Variants in ZFAT observed in about 807,000 individuals in gnomAD.
ZFAT encodes the protein zinc finger protein ZFAT.
Under a neutral mutation model 117.7 loss-of-function variants are expected in ZFAT, and 64 were observed. The ratio of observed to expected loss-of-function variants is 0.54; its 90% CI spans 0.44 to 0.67. The LOEUF (loss-of-function observed/expected upper bound fraction) is 0.67, where lower values mean the gene tolerates loss of function less well. Among genes scored for constraint, ZFAT ranks in the 30% least tolerant of loss-of-function variants. The pLI, the probability that ZFAT is intolerant of heterozygous loss-of-function variation, is 0.00. For missense variants in ZFAT, 1,433 were observed against 1,584.5 expected (o/e 0.90, Z 1.62); for synonymous variants, 679 against 615.0 (o/e 1.10, Z -1.54).
chr8:134,666,194 C>A (rs1832207237), intron 1 of ZFAT, among the ~76,000 whole-genome samples: 1 of 152,154 alleles, frequency 6.6e-6, no homozygotes, highest in Non-Finnish European at 1.5e-5. Context: ...TGAACTCCCA[C>A]CCCCATCCAC....
At chr8:134,649,576 A>G (rs1480773890) in intron 2 of ZFAT, among the ~76,000 whole-genome samples, 1 of 152,258 alleles carries the variant, frequency 6.6e-6, no homozygotes, top group Admixed American at 6.5e-5. Context: ...AGCAATCTGA[A>G]AATAAATTAT....
At chr8:134,690,586 T>C (rs1026809345) in intron 1 of ZFAT, among the ~76,000 whole-genome samples, 2 of 152,208 alleles carry the variant, frequency 1.3e-5, no homozygotes, top group Non-Finnish European at 2.9e-5. Context: ...AAGAATGAAC[T>C]TCCCCCTAGT....
the ZFAT span, among the ~76,000 whole-genome samples, chr8:134,731,870 T>G: frequency 6.6e-6 from 1 of 152,228 alleles, no homozygotes; most frequent in East Asian, 1.9e-4. Context: ...GTGTTTCCAG[T>G]GTGCAATGCA....
At chr8:134,590,207 T>C (rs1826361664) in intron 8 of ZFAT, 61 bp downstream of exon 8, 1 of 1,355,284 alleles carries the variant, frequency 7.4e-7, no homozygotes, top group Non-Finnish European at 1.0e-6. Context: ...TAAAACATTG[T>C]TTTAAAATAA....
chr8:134,644,088 C>T (rs532640878), intron 2 of ZFAT, among the ~76,000 whole-genome samples: 109 of 152,258 alleles, frequency 7.2e-4, no homozygotes, highest in Non-Finnish European at 1.2e-3. Context: ...TGAACTTAAC[C>T]GCGCAGAGGC....
intron 1 of ZFAT, among the ~76,000 whole-genome samples, chr8:134,705,156 C>A (rs977713872): frequency 1.3e-5 from 2 of 152,124 alleles, no homozygotes; most frequent in African/African-American, 2.4e-5. Flanking sequence ...AGAACTCTTA[C>A]ATTCCAGCAA....
chr8:134,573,391 G>A (rs1825078284), intron 10 of ZFAT, among the ~76,000 whole-genome samples: 1 of 152,202 alleles, frequency 6.6e-6, no homozygotes, highest in Admixed American at 6.5e-5. Flanking sequence ...GGAAAGATGT[G>A]TCGTGTAGTT....
intron 3 of ZFAT, among the ~76,000 whole-genome samples, chr8:134,634,648 T>C (rs556562985): frequency 5.6e-4 from 85 of 152,146 alleles, no homozygotes; most frequent in Middle Eastern, 6.8e-3. Context: ...CAGTGAAAAA[T>C]TGATAAAAAC....
At chr8:134,581,702 A>G (rs9693483) in intron 10 of ZFAT, among the ~76,000 whole-genome samples, 7,488 of 152,172 alleles carry the variant, frequency 0.049, 477 homozygotes, top group East Asian at 0.36. Context: ...CTCCCACCTC[A>G]GCCTACCAAG....
At chr8:134,618,464 C>CT (rs1172512762) in intron 3 of ZFAT, among the ~76,000 whole-genome samples, 7 of 152,062 alleles carry the variant, frequency 4.6e-5, no homozygotes, top group African/African-American at 1.4e-4. Context: ...AGAGTGGCTG[C>CT]TTGTGACTAG....
In ZFAT at chr8:134,639,409, G is replaced by A. The variant is rs181902967; in HGVS notation, c.197-1697C>T. On this transcript the variant is annotated intron_variant, in intron 2 of 15. Transcript: ENST00000377838. Reference sequence around the variant, plus strand: ...GATCCAAACCAGAGTCCTGCACTAAGGCAACCAGCGAGATTCCTGCCTTCA... The same window carrying A: ...GATCCAAACCAGAGTCCTGCACTAAAGCAACCAGCGAGATTCCTGCCTTCA... Among the ~76,000 whole-genome samples the A allele has an allele frequency of 2.7e-3, 418 of 152,316 alleles. 2 individuals are homozygous for A. The highest frequency in any genetic ancestry group is 4.0e-3 in the Non-Finnish European group (270 of 68,034).
At chr8:134,582,658 G>C (rs1377689280) in intron 10 of ZFAT, among the ~76,000 whole-genome samples, 1 of 151,888 alleles carries the variant, frequency 6.6e-6, no homozygotes, top group Non-Finnish European at 1.5e-5. Context: ...CTCTTTTTCA[G>C]CCTTAGGCAA....
the ZFAT span, among the ~76,000 whole-genome samples, chr8:134,803,921 C>T: frequency 2.0e-5 from 3 of 151,954 alleles, no homozygotes; most frequent in Non-Finnish European, 4.4e-5. Context: ...ATGTATGGAA[C>T]CTAACATAGT....
At chr8:134,777,285 T>G in the ZFAT span, among the ~76,000 whole-genome samples, 2 of 152,206 alleles carry the variant, frequency 1.3e-5, no homozygotes, top group African/African-American at 4.8e-5. Context: ...TTTGCTCATC[T>G]TCTCCAAAGA....
chr8:134,557,134 AATAAT>A (rs1209763279), intron 11 of ZFAT, among the ~76,000 whole-genome samples: 3 of 152,344 alleles, frequency 2.0e-5, no homozygotes, highest in Non-Finnish European at 2.9e-5. Flanking sequence ...TTGTTCATAA[AATAAT>A]ATAATATTTG....
intron 11 of ZFAT, among the ~76,000 whole-genome samples, chr8:134,536,528 T>C (rs2130596738): frequency 6.6e-6 from 1 of 152,322 alleles, no homozygotes; most frequent in South Asian, 2.1e-4. Context: ...GAGCCTCATC[T>C]AGGCTCTTCA....
rs72609895 is a variant in ZFAT at position 134,545,506 on chromosome 8, T to G, written c.2977-12534A>C. Among the ~76,000 whole-genome samples, 3,498 of 151,886 alleles carry G rather than the reference T, an allele frequency of 0.023. 177 individuals are homozygous for G. In the East Asian group the frequency reaches 0.24, roughly 10 times the overall value. On this transcript the variant is annotated intron_variant, in intron 11 of 15. Transcript: ENST00000377838. The stretch of plus-strand genomic sequence containing the variant: ...TCTGTCTCTACAAAAAGTAATAAAT[T>G]AAAAAAATGAGACATGGTTTAGAGA...
chr8:134,549,881 C>G (rs1353009030), intron 11 of ZFAT, among the ~76,000 whole-genome samples: 1 of 152,088 alleles, frequency 6.6e-6, no homozygotes, highest in East Asian at 1.9e-4. Flanking sequence ...GGGAAAGAAA[C>G]ACAGAGGCAG....
At chr8:134,724,067 CA>C in the ZFAT span, 6 of 152,366 alleles carry the variant, frequency 3.9e-5, no homozygotes, top group Admixed American at 2.0e-4. Context: ...TCTTAGGAGT[CA>C]GGGGTGGCAT....
Sources: gnomAD v4.1 joint callset for allele counts (sites outside exome capture counted in the v4.1 genomes callset) on GRCh38, gnomAD v4.1.1 for gene constraint, MANE v1.5 for transcripts, NCBI Gene and HGNC (gene_info 2026-07-23, HGNC 2026-07-21) for gene names.